The following COL23A1 variants were observed in gnomAD, a reference collection of about 807,000 sequenced individuals.
COL23A1 encodes collagen type XXIII alpha 1 chain.
In COL23A1, 97 loss-of-function variants were observed where a neutral mutation model predicts 99.3. That is an observed-to-expected ratio of 0.98 (90% CI 0.83 to 1.16). The LOEUF (loss-of-function observed/expected upper bound fraction) is 1.16. Ranked by LOEUF, COL23A1 falls within the 50% of genes most tolerant of loss-of-function variation. The pLI, the probability that COL23A1 is intolerant of heterozygous loss-of-function variation, is 0.00. For missense variants in COL23A1, 762 were observed against 757.4 expected, an observed-to-expected ratio of 1.01 and a Z score of -0.07; for synonymous variants, 320 against 308.2, an observed-to-expected ratio of 1.04 and a Z score of -0.40.
At chr5:178,585,432 G>GATGCTGGGGTA (rs1562114510) in intron 1 of COL23A1, among the ~76,000 whole-genome samples, 3 of 147,312 alleles carry the variant, frequency 2.0e-5, no homozygotes, top group South Asian at 2.2e-4. Context: ...AGCCCTGGTT[G>GATGCTGGGGTA]ACACTGGGGT....
intron 2 of COL23A1, among the ~76,000 whole-genome samples, chr5:178,379,084 G>A (rs1418988019): frequency 6.6e-6 from 1 of 152,116 alleles, no homozygotes; most frequent in African/African-American, 2.4e-5. Context: ...AGCTGCCCCA[G>A]AAGGATTCTG....
intron 22 of COL23A1, among the ~76,000 whole-genome samples, chr5:178,247,168 G>A (rs1764744012): frequency 6.6e-6 from 1 of 152,130 alleles, no homozygotes; most frequent in Non-Finnish European, 1.5e-5. Flanking sequence ...AGATGTGTGT[G>A]GGGCGGGCTG....
intron 2 of COL23A1, among the ~76,000 whole-genome samples, chr5:178,348,541 G>A (rs547475777): frequency 1.3e-5 from 2 of 152,308 alleles, no homozygotes; most frequent in South Asian, 2.1e-4. Flanking sequence ...GAACGGCGCT[G>A]GGCCAGCAGG....
chr5:178,325,268 G>T (rs1759582272), intron 2 of COL23A1, among the ~76,000 whole-genome samples: 1 of 152,164 alleles, frequency 6.6e-6, no homozygotes, highest in Admixed American at 6.5e-5. Context: ...CTAGGCCAGA[G>T]ATCGGATCAT....
chr5:178,311,307 T>G (rs1044494620), intron 2 of COL23A1, among the ~76,000 whole-genome samples: 1 of 151,828 alleles, frequency 6.6e-6, no homozygotes, highest in Non-Finnish European at 1.5e-5. Context: ...AGGATAGAGG[T>G]TTGGGAGTGG....
At chr5:178,325,945 AG>A (rs1759626222) in intron 2 of COL23A1, among the ~76,000 whole-genome samples, 1 of 152,180 alleles carries the variant, frequency 6.6e-6, no homozygotes, top group African/African-American at 2.4e-5. Flanking sequence ...TTATGAACCA[AG>A]GGTGAGCCGC....
intron 25 of COL23A1, among the ~76,000 whole-genome samples, chr5:178,245,355 T>TATCCATCC (rs148358275): frequency 5.7e-5 from 8 of 141,038 alleles, no homozygotes; most frequent in African/African-American, 1.9e-4. Context: ...ATTCATCTAT[T>TATCCATCC]ATCCATCCAT....
intron 1 of COL23A1, among the ~76,000 whole-genome samples, chr5:178,587,518 C>T (rs1281064654): frequency 6.6e-6 from 1 of 152,136 alleles, no homozygotes; most frequent in Admixed American, 6.5e-5. Flanking sequence ...TTAATGTGGA[C>T]ATGGTTTCTG....
chr5:178,311,305 G>A (rs1025363959), intron 2 of COL23A1, among the ~76,000 whole-genome samples: 1 of 152,182 alleles, frequency 6.6e-6, no homozygotes, highest in Non-Finnish European at 1.5e-5. Flanking sequence ...GGAGGATAGA[G>A]GTTTGGGAGT....
intron 2 of COL23A1, among the ~76,000 whole-genome samples, chr5:178,519,019 C>A (rs1208674178): frequency 6.6e-6 from 1 of 150,548 alleles, no homozygotes; most frequent in African/African-American, 2.4e-5. Context: ...GTCCCGGCTC[C>A]GCACTGCCCC....
intron 28 of COL23A1, 133 bp from the exon 29 acceptor site, chr5:178,238,833 G>T: frequency 8.0e-7 from 1 of 1,254,802 alleles, no homozygotes; most frequent in Non-Finnish European, 1.2e-6. Context: ...CTCTCAGTGG[G>T]CCAGTTGGGA....
At chr5:178,533,481 C>T (rs1374105834) in intron 2 of COL23A1, among the ~76,000 whole-genome samples, 1 of 152,178 alleles carries the variant, frequency 6.6e-6, no homozygotes, top group Non-Finnish European at 1.5e-5. Context: ...CAAGCTTCAT[C>T]CATGTTGTAG....
intron 2 of COL23A1, among the ~76,000 whole-genome samples, chr5:178,419,497 CT>C (rs1765485841): frequency 6.6e-6 from 1 of 152,208 alleles, no homozygotes. Flanking sequence ...ACAGCAAACC[CT>C]GGGGTCACTA....
At chr5:178,398,269 T>G (rs1764252912) in intron 2 of COL23A1, among the ~76,000 whole-genome samples, 1 of 152,222 alleles carries the variant, frequency 6.6e-6, no homozygotes, top group South Asian at 2.1e-4. Flanking sequence ...ACAGTCTTCA[T>G]GTGCTTTCAC....
Position 178,358,016 on chromosome 5 carries a change from ATG to A in COL23A1, c.362-51099_362-51098del, listed in dbSNP as rs1252443414. On this transcript the variant is annotated intron_variant, in intron 2 of 28. Transcript: ENST00000390654. ...CGTGTGTGTATATGTATGTGTGTGT[ATG>A]TGTGTGTATGCGTATGTGTATGTGT... is the stretch of plus-strand genomic sequence containing the variant. Among the ~76,000 whole-genome samples the A allele has an allele frequency of 3.0e-3, 311 of 102,072 alleles. 4 individuals carry two copies. The highest frequency in any genetic ancestry group is 0.015 in the East Asian group (48 of 3,244). The allele number at this position is 102,072 out of a possible 152,430, so 67.0% of individuals were successfully genotyped here.
At chr5:178,455,107 T>G (rs1767698187) in intron 2 of COL23A1, among the ~76,000 whole-genome samples, 1 of 152,246 alleles carries the variant, frequency 6.6e-6, no homozygotes, top group Non-Finnish European at 1.5e-5. Flanking sequence ...CAGTCTGACT[T>G]CATTTAACTC....
intron 2 of COL23A1, among the ~76,000 whole-genome samples, chr5:178,370,750 G>A (rs964899596): frequency 6.6e-6 from 1 of 152,078 alleles, no homozygotes; most frequent in South Asian, 2.1e-4. Context: ...TCCTAAATTT[G>A]CTTAAAAGGA....
chr5:178,441,709 C>T (rs751024810), intron 2 of COL23A1, among the ~76,000 whole-genome samples: 107 of 152,196 alleles, frequency 7.0e-4, no homozygotes, highest in Non-Finnish European at 1.2e-3. Flanking sequence ...ACAGACGACA[C>T]GGGGTGACGA....
At chr5:178,359,707 A>G (rs1197561668) in intron 2 of COL23A1, among the ~76,000 whole-genome samples, 1 of 152,246 alleles carries the variant, frequency 6.6e-6, no homozygotes, top group Non-Finnish European at 1.5e-5. Context: ...ATGTTCACTT[A>G]GTAAAGTCGC....
Sources: allele counts gnomAD v4.1 joint callset (sites outside exome capture counted in the v4.1 genomes callset), GRCh38; gene constraint gnomAD v4.1.1; transcripts MANE v1.5; gene names NCBI Gene and HGNC (gene_info 2026-07-23, HGNC 2026-07-21).